Variants in PRTG observed in about 807,000 individuals in gnomAD.
The protein encoded by PRTG is protogenin.
In PRTG, 67 loss-of-function variants were observed where a neutral mutation model predicts 122.5. The ratio of observed to expected loss-of-function variants is 0.55; its 90% CI spans 0.45 to 0.67. The LOEUF (loss-of-function observed/expected upper bound fraction) is 0.67. PRTG is among the 30% of genes least tolerant of loss of function. The pLI is 0.00. For missense variants in PRTG, 1,435 were observed against 1,415.4 expected (o/e 1.01, Z -0.22); for synonymous variants, 554 against 501.1 (o/e 1.11, Z -1.41).
chr15:55,710,394 T>C (rs2030331802), intron 2 of PRTG, among the ~76,000 whole-genome samples: 1 of 152,242 alleles, frequency 6.6e-6, no homozygotes, highest in Non-Finnish European at 1.5e-5. Flanking sequence ...GTGAATTAAA[T>C]AGGACTATTT....
chr15:55,698,550 CA>C (rs2059644169), intron 2 of PRTG, among the ~76,000 whole-genome samples: 1 of 152,158 alleles, frequency 6.6e-6, no homozygotes, highest in African/African-American at 2.4e-5. Flanking sequence ...CTCAGCCTCC[CA>C]AAGTGCTGGG....
At chr15:55,673,195 C>T (rs1226062852) in intron 10 of PRTG, among the ~76,000 whole-genome samples, 176 bp downstream of exon 10, 1 of 152,138 alleles carries the variant, frequency 6.6e-6, no homozygotes, top group Admixed American at 6.6e-5. Context: ...CACAAATAAA[C>T]TCTATGCAAA....
intron 11 of PRTG, 54 bp downstream of exon 11, chr15:55,672,391 G>A (rs189638915): frequency 7.1e-6 from 10 of 1,409,676 alleles, no homozygotes; most frequent in South Asian, 1.3e-5. Flanking sequence ...AACTTTTTTC[G>A]CAGTTTGTCA....
intron 14 of PRTG, among the ~76,000 whole-genome samples, chr15:55,637,556 G>A (rs2141731184): frequency 6.6e-6 from 1 of 152,198 alleles, no homozygotes; most frequent in Non-Finnish European, 1.5e-5. Flanking sequence ...TTCCTAGATG[G>A]AGAATCTAAG....
At chr15:55,649,361 A>G (rs930555422) in intron 11 of PRTG, among the ~76,000 whole-genome samples, 1 of 152,190 alleles carries the variant, frequency 6.6e-6, no homozygotes, top group African/African-American at 2.4e-5. Flanking sequence ...ATCACCTGTA[A>G]AATGGGTATG....
At chr15:55,675,427 G>T (rs2059497044) in intron 9 of PRTG, 92 bp downstream of exon 9, 2 of 926,754 alleles carry the variant, frequency 2.2e-6, no homozygotes, top group Non-Finnish European at 3.1e-6. Flanking sequence ...TAACCAAAAA[G>T]AGGATATTTT....
At chr15:55,639,937 T>TAGTGA (rs2059280366) in intron 12 of PRTG, 109 bp from the exon 13 acceptor site, 2 of 1,486,752 alleles carry the variant, frequency 1.3e-6, no homozygotes, top group East Asian at 4.9e-5. Context: ...TTTTAGGTCT[T>TAGTGA]TCTTCCACCA....
intron 11 of PRTG, among the ~76,000 whole-genome samples, chr15:55,662,211 T>C (rs77341206): frequency 0.01 from 1,563 of 152,280 alleles, 19 homozygotes; most frequent in Non-Finnish European, 0.011. Context: ...ATCTATAACA[T>C]CTCATAGGGT....
intron 2 of PRTG, among the ~76,000 whole-genome samples, chr15:55,684,585 G>T (rs931023827): frequency 2.0e-5 from 3 of 152,116 alleles, no homozygotes; most frequent in Admixed American, 6.5e-5. Flanking sequence ...CTGAGCAAAG[G>T]CATGTCCTGA....
chr15:55,696,830 G>T (rs926155607), intron 2 of PRTG, among the ~76,000 whole-genome samples: 1 of 152,088 alleles, frequency 6.6e-6, no homozygotes, highest in Non-Finnish European at 1.5e-5. Context: ...CAGGTGCCAT[G>T]AAATACATTT....
intron 16 of PRTG, among the ~76,000 whole-genome samples, chr15:55,628,242 C>A (rs1267257360): frequency 6.6e-6 from 1 of 152,152 alleles, no homozygotes; most frequent in African/African-American, 2.4e-5. Context: ...GCCTACTCCC[C>A]CAGAGAGGAG....
intron 17 of PRTG, 68 bp from the exon 18 acceptor site, chr15:55,624,575 C>T: frequency 7.4e-7 from 1 of 1,350,184 alleles, no homozygotes. Context: ...AACCACCTGG[C>T]CTATCAACAA....
chr15:55,710,897 T>A (rs1488535416), intron 2 of PRTG, among the ~76,000 whole-genome samples: 1 of 151,688 alleles, frequency 6.6e-6, no homozygotes, highest in Non-Finnish European at 1.5e-5. Flanking sequence ...ATAGCAGATG[T>A]GGTTTTTTGA....
intron 2 of PRTG, among the ~76,000 whole-genome samples, chr15:55,727,830 C>G (rs2031090691): frequency 6.6e-6 from 1 of 152,052 alleles, no homozygotes; most frequent in African/African-American, 2.4e-5. Flanking sequence ...AGTGAAAAAT[C>G]CAGAACCAGG....
At chr15:55,730,304 G>A (rs1305861642) in intron 2 of PRTG, among the ~76,000 whole-genome samples, 6 of 152,014 alleles carry the variant, frequency 3.9e-5, no homozygotes, top group East Asian at 3.9e-4. Flanking sequence ...GTTTCACCAC[G>A]TTTGCCAGGC....
At chr15:55,702,146 A>G (rs1219734241) in intron 2 of PRTG, among the ~76,000 whole-genome samples, 1 of 152,210 alleles carries the variant, frequency 6.6e-6, no homozygotes, top group Non-Finnish European at 1.5e-5. Flanking sequence ...GATTCTATTT[A>G]ATTTTCTAGC....
intron 11 of PRTG, among the ~76,000 whole-genome samples, chr15:55,659,652 G>A (rs1469763440): frequency 6.6e-6 from 1 of 152,078 alleles, no homozygotes; most frequent in Non-Finnish European, 1.5e-5. Flanking sequence ...TAGGCCGGGC[G>A]CAGTGGTTCA....
Position 55,723,259 on chromosome 15 carries a change from A to G in PRTG, c.397+17123T>C, listed in dbSNP as rs2030897058. Among the ~76,000 whole-genome samples, 2 of 152,196 alleles carry G rather than the reference A, an allele frequency of 1.3e-5. 1 individual carries two copies. The highest frequency in any genetic ancestry group is 4.1e-4 in the South Asian group (2 of 4,826). On this transcript the variant is annotated intron_variant, in intron 2 of 19. Transcript: ENST00000389286. ...GCCACAAGGGAAAATGTAAATGGAAAAGGAGAGGTTAGCACCTAAATAACT... is the reference window on the plus strand; with the variant it reads ...GCCACAAGGGAAAATGTAAATGGAAGAGGAGAGGTTAGCACCTAAATAACT...
intron 2 of PRTG, among the ~76,000 whole-genome samples, chr15:55,731,366 C>CTTTTTTTTTTTTTTTTTTTTT (rs10658460): frequency 9.6e-6 from 1 of 103,778 alleles, no homozygotes; most frequent in African/African-American, 3.9e-5. Context: ...CCTTATCATT[C>CTTTTTTTTTTTTTTTTTTTTT]TTTTTTTTTT....
Sources: allele counts gnomAD v4.1 joint callset (sites outside exome capture counted in the v4.1 genomes callset), GRCh38; gene constraint gnomAD v4.1.1; transcripts MANE v1.5; gene names NCBI Gene and HGNC (gene_info 2026-07-23, HGNC 2026-07-21).